The following SORCS3 variants were observed in gnomAD, a reference collection of about 807,000 sequenced individuals.
SORCS3 encodes the protein VPS10 domain-containing receptor SorCS3.
In SORCS3, 57 loss-of-function variants were observed where a neutral mutation model predicts 146.3. The observed-to-expected ratio is 0.39, with a 90% CI of 0.31 to 0.49. The LOEUF (loss-of-function observed/expected upper bound fraction) is 0.49. Among genes scored for constraint, SORCS3 ranks in the 20% least tolerant of loss-of-function variants. SORCS3 has a pLI of 0.92. For synonymous variants in SORCS3, 653 were observed against 618.5 expected (o/e 1.06, Z -0.83); for missense variants, 1,341 against 1,575.5 (o/e 0.85, Z 2.52).
intron 1 of SORCS3, among the ~76,000 whole-genome samples, chr10:104,732,248 G>A (rs1564670394): frequency 6.6e-6 from 1 of 152,134 alleles, no homozygotes; most frequent in Non-Finnish European, 1.5e-5. Context: ...TAGGCAAGGG[G>A]GCTGCCACAT....
At chr10:105,107,321 T>C (rs1846663255) in intron 7 of SORCS3, among the ~76,000 whole-genome samples, 1 of 151,980 alleles carries the variant, frequency 6.6e-6, no homozygotes, top group African/African-American at 2.4e-5. Flanking sequence ...AGATTTTTTT[T>C]TTTTTTTTTA....
intron 1 of SORCS3, among the ~76,000 whole-genome samples, chr10:104,719,223 C>T (rs11192167): frequency 0.26 from 39,527 of 152,018 alleles, 5,769 homozygotes; most frequent in East Asian, 0.63. Context: ...TTGGACAGCA[C>T]GGGTCTAGAA....
Position 105,248,122 on chromosome 10 carries a change from A to C in SORCS3, c.3105+791A>C, listed in dbSNP as rs1339937706. Among the ~76,000 whole-genome samples the C allele has an allele frequency of 3.3e-5, 5 of 152,236 alleles. No homozygotes were observed. In the East Asian group the frequency reaches 9.6e-4, roughly 29 times the overall value. On this transcript the variant is annotated intron_variant, in intron 22 of 26. Coordinates refer to ENST00000369701, the MANE Select transcript of SORCS3 (RefSeq NM_014978.3). ...AGGTCAAATTTGCCTTAGAGAAAGTAAAAGGGTTTTGTTAAACATTTTCTC... is the reference window on the plus strand; with the variant it reads ...AGGTCAAATTTGCCTTAGAGAAAGTCAAAGGGTTTTGTTAAACATTTTCTC...
At chr10:104,817,993 A>C (rs1291919402) in intron 1 of SORCS3, among the ~76,000 whole-genome samples, 1 of 151,982 alleles carries the variant, frequency 6.6e-6, no homozygotes, top group East Asian at 1.9e-4. Context: ...AGATTTACCA[A>C]TCATGTCACC....
intron 21 of SORCS3, among the ~76,000 whole-genome samples, chr10:105,246,222 G>A (rs2056865409): frequency 6.6e-6 from 1 of 152,150 alleles, no homozygotes; most frequent in African/African-American, 2.4e-5. Context: ...GAGAACCACT[G>A]TTAAGTTTAT....
intron 2 of SORCS3, among the ~76,000 whole-genome samples, chr10:104,886,743 A>T (rs2018692754): frequency 1.3e-5 from 2 of 152,208 alleles, no homozygotes; most frequent in African/African-American, 4.8e-5. Flanking sequence ...AACATTTGAA[A>T]GAAGGTGGGG....
rs138734256 is a variant in SORCS3, at chr10:105,077,006, G to A, written c.1029-12769G>A. On this transcript the variant is annotated intron_variant, in intron 5 of 26. Coordinates refer to ENST00000369701, the MANE Select transcript of SORCS3 (RefSeq NM_014978.3). ...TTAATCAAATTGAATTTCTCTACCC[G>A]TGGGGATTGGCCTCTTGACATGCAT... 2.3e-3 allele frequency among the ~76,000 whole-genome samples: 343 copies of A among 152,282 alleles called. 1 individual carries two copies. The highest frequency in any genetic ancestry group is 7.6e-3 in the African/African-American group (317 of 41,540).
intron 3 of SORCS3, among the ~76,000 whole-genome samples, chr10:104,933,422 G>T (rs910182279): frequency 2.0e-5 from 3 of 152,040 alleles, no homozygotes; most frequent in African/African-American, 7.3e-5. Context: ...TCAGATGGAG[G>T]GAACTGCTTC....
At chr10:104,899,578 A>T (rs1302374779) in intron 2 of SORCS3, among the ~76,000 whole-genome samples, 1 of 152,230 alleles carries the variant, frequency 6.6e-6, no homozygotes, top group Non-Finnish European at 1.5e-5. Context: ...GATGAATTGC[A>T]TGGCCAATGT....
chr10:105,147,661 G>A lies in SORCS3; in HGVS notation c.1347G>A (p.Ala449=), dbSNP rs377592125. 1.2e-4 allele frequency: 192 copies of A among 1,612,794 alleles called. 2 individuals carry two copies. The South Asian group carries it at 1.9e-3, about 16-fold the overall frequency. Residue 449 remains alanine, a synonymous_variant, in exon 9 of 27, where the codon GCG becomes GCA. Transcript: ENST00000369701. ...CAGACGAGAACCAAGTATTTGCTGC[G>A]GTCCAAGAATGGAACCAGAACGACA... is the stretch of plus-strand genomic sequence containing the variant. ...ISTDENQVFA[A]VQEWNQNDTY...
At chr10:105,133,804 A>G (rs1433616217) in intron 7 of SORCS3, among the ~76,000 whole-genome samples, 2 of 152,076 alleles carry the variant, frequency 1.3e-5, no homozygotes, top group African/African-American at 4.8e-5. Context: ...ACATAAAAAA[A>G]TAAAATTAGT....
chr10:105,102,164 C>T (rs1205946744), intron 6 of SORCS3, among the ~76,000 whole-genome samples: 2 of 152,150 alleles, frequency 1.3e-5, no homozygotes, highest in African/African-American at 2.4e-5. Flanking sequence ...TGTCTCTTTC[C>T]TTATAAGGAA....
intron 14 of SORCS3, among the ~76,000 whole-genome samples, chr10:105,193,040 A>T (rs1453088858): frequency 6.6e-6 from 1 of 152,056 alleles, no homozygotes; most frequent in Non-Finnish European, 1.5e-5. Flanking sequence ...TGAGTAGCTA[A>T]CCCTCTCTGT....
At chr10:104,853,519 C>T (rs2018296443) in intron 2 of SORCS3, among the ~76,000 whole-genome samples, 1 of 152,204 alleles carries the variant, frequency 6.6e-6, no homozygotes, top group South Asian at 2.1e-4. Context: ...TCTCCAGCAA[C>T]CATAGCAGCT....
Position 105,162,751 on chromosome 10 carries a change from C to T in SORCS3, c.1733-1552C>T, listed in dbSNP as rs142814605. Among the ~76,000 whole-genome samples, 258 of 152,258 alleles carry T rather than the reference C, an allele frequency of 1.7e-3. 6 individuals are homozygous for T. The South Asian group carries it at 0.046, about 27-fold the overall frequency. ...CTAAAGATGTTGACAGAACCAGCTT[C>T]TAAGGAAGGTGAGGGATGATAAGCT... On this transcript the variant is annotated intron_variant, in intron 11 of 26. Coordinates refer to ENST00000369701, the MANE Select transcript of SORCS3 (RefSeq NM_014978.3).
chr10:105,054,778 C>T (rs2055435551), intron 5 of SORCS3, among the ~76,000 whole-genome samples: 1 of 152,134 alleles, frequency 6.6e-6, no homozygotes, highest in Admixed American at 6.6e-5. Flanking sequence ...GGCCAGAACA[C>T]ATTGTGTTTA....
intron 5 of SORCS3, among the ~76,000 whole-genome samples, chr10:105,059,054 C>T (rs1406643464): frequency 6.6e-6 from 1 of 152,134 alleles, no homozygotes; most frequent in Non-Finnish European, 1.5e-5. Context: ...CAGGAATCTC[C>T]ATCTGAACAA....
chr10:105,032,336 G>A (rs755658879), intron 4 of SORCS3, among the ~76,000 whole-genome samples: 2 of 152,146 alleles, frequency 1.3e-5, no homozygotes, highest in Non-Finnish European at 2.9e-5. Context: ...TCCTCCTTCA[G>A]GAAGTGTGGA....
chr10:105,255,768 C>CTCAGCTGAAGCTG lies in SORCS3; in HGVS notation c.3304_3305insTCAGCTGAAGCTG (p.Gln1102LeufsTer3). 2 of 1,613,844 alleles carry CTCAGCTGAAGCTG rather than the reference C, an allele frequency of 1.2e-6. No individual in the cohort carries two copies. Among genetic ancestry groups the CTCAGCTGAAGCTG allele is most frequent in the Non-Finnish European group, 1.7e-6 (2 of 1,179,900 alleles). On this transcript the variant is annotated stop_gained and frameshift_variant, in exon 24 of 27. Coordinates refer to ENST00000369701, the MANE Select transcript of SORCS3 (RefSeq NM_014978.3). LOFTEE classifies it high-confidence loss of function. ...CCAGTTTGAGCTGAAGCCGGGGGTA[C>CTCAGCTGAAGCTG]AAGTCATTGTGTATGTCACACAGCT... is the stretch of plus-strand genomic sequence containing the variant.
Sources: allele counts gnomAD v4.1 joint callset (sites outside exome capture counted in the v4.1 genomes callset), GRCh38; gene constraint gnomAD v4.1.1; transcripts MANE v1.5; gene names NCBI Gene and HGNC (gene_info 2026-07-23, HGNC 2026-07-21).